Variants in CACNA2D3 observed in about 807,000 individuals in gnomAD.
CACNA2D3 encodes calcium voltage-gated channel auxiliary subunit alpha2delta 3.
CACNA2D3 carries 60 observed loss-of-function variants against 160.6 expected under a neutral mutation model. The ratio of observed to expected loss-of-function variants is 0.37; its 90% CI spans 0.30 to 0.46. CACNA2D3 has a LOEUF of 0.46. Among genes scored for constraint, CACNA2D3 ranks in the 20% least tolerant of loss-of-function variants. The probability of loss-of-function intolerance (pLI) is 1.00; values close to 1 mark genes in which losing one functional copy is unlikely to be tolerated. For missense variants in CACNA2D3, 1,205 were observed against 1,365.0 expected (o/e 0.88, Z 1.85); for synonymous variants, 558 against 492.9 (o/e 1.13, Z -1.75).
At chr3:54,593,309 G>A (rs1184412636) in intron 9 of CACNA2D3, among the ~76,000 whole-genome samples, 1 of 152,092 alleles carries the variant, frequency 6.6e-6, no homozygotes, top group African/African-American at 2.4e-5. Flanking sequence ...ATCATATATG[G>A]TTAGATAAAG....
chr3:54,458,128 G>A (rs906443724), intron 4 of CACNA2D3, among the ~76,000 whole-genome samples: 4 of 151,930 alleles, frequency 2.6e-5, no homozygotes, highest in Non-Finnish European at 5.9e-5. Flanking sequence ...TTGTTAATTG[G>A]TTTTTGATAA....
At chr3:54,812,323 AG>A (rs564357913) in intron 13 of CACNA2D3, among the ~76,000 whole-genome samples, 153 of 152,354 alleles carry the variant, frequency 1.0e-3, no homozygotes, top group African/African-American at 3.5e-3. Context: ...TACCAATTGC[AG>A]GTATGTGGTA....
At chr3:54,921,271 C>T (rs1700841567) in intron 27 of CACNA2D3, among the ~76,000 whole-genome samples, 1 of 152,086 alleles carries the variant, frequency 6.6e-6, no homozygotes, top group Non-Finnish European at 1.5e-5. Context: ...CTCCCTTGAC[C>T]ACGTTGTGCC....
intron 2 of CACNA2D3, among the ~76,000 whole-genome samples, chr3:54,240,211 G>A (rs1303602724): frequency 6.7e-6 from 1 of 149,046 alleles, no homozygotes; most frequent in Non-Finnish European, 1.5e-5. Flanking sequence ...CATATTAGGT[G>A]TATTTTTGTT....
At chr3:54,903,741 A>T (rs775187877) in intron 27 of CACNA2D3, among the ~76,000 whole-genome samples, 1 of 152,166 alleles carries the variant, frequency 6.6e-6, no homozygotes, top group Non-Finnish European at 1.5e-5. Context: ...CTTTTTAATA[A>T]TAGCCATTCT....
chr3:54,749,294 G>A (rs1015315610), intron 11 of CACNA2D3, among the ~76,000 whole-genome samples: 2 of 152,164 alleles, frequency 1.3e-5, no homozygotes, highest in African/African-American at 2.4e-5. Context: ...CCCACTACAC[G>A]AATGTACCAT....
intron 2 of CACNA2D3, among the ~76,000 whole-genome samples, chr3:54,314,580 T>A (rs1167993758): frequency 6.6e-6 from 1 of 152,132 alleles, no homozygotes; most frequent in Non-Finnish European, 1.5e-5. Context: ...TATTTTTTGA[T>A]TTTTTTGATT....
intron 17 of CACNA2D3, among the ~76,000 whole-genome samples, chr3:54,857,849 G>A (rs991976791): frequency 6.6e-6 from 1 of 152,072 alleles, no homozygotes; most frequent in African/African-American, 2.4e-5. Flanking sequence ...AGGCCCCTGA[G>A]CATGTATTCC....
chr3:54,164,856 G>A (rs79802202), intron 2 of CACNA2D3, among the ~76,000 whole-genome samples: 9,607 of 152,286 alleles, frequency 0.063, 440 homozygotes, highest in East Asian at 0.18. Context: ...CCTTGATCAA[G>A]TTAGTTTCCC....
At chr3:54,212,050 G>A (rs1253927867) in intron 2 of CACNA2D3, among the ~76,000 whole-genome samples, 1 of 152,064 alleles carries the variant, frequency 6.6e-6, no homozygotes, top group East Asian at 1.9e-4. Flanking sequence ...GGAACAGAAG[G>A]CTCAGGAAAT....
intron 4 of CACNA2D3, among the ~76,000 whole-genome samples, chr3:54,424,058 T>C (rs1312371807): frequency 6.6e-6 from 1 of 152,038 alleles, no homozygotes; most frequent in Non-Finnish European, 1.5e-5. Context: ...CATGCTAATG[T>C]TTTCCGGGTT....
intron 11 of CACNA2D3, among the ~76,000 whole-genome samples, chr3:54,736,518 T>A (rs570534564): frequency 5.3e-5 from 8 of 152,194 alleles, no homozygotes; most frequent in Non-Finnish European, 1.0e-4. Context: ...AGAAAACTTA[T>A]GCCAATTTAC....
intron 9 of CACNA2D3, among the ~76,000 whole-genome samples, chr3:54,590,291 G>A (rs1179595357): frequency 6.6e-6 from 1 of 152,100 alleles, no homozygotes; most frequent in Non-Finnish European, 1.5e-5. Context: ...AATCTTTAGG[G>A]AGTCATGCTG....
At chr3:54,275,345 A>T (rs1373526624) in intron 2 of CACNA2D3, among the ~76,000 whole-genome samples, 2 of 152,172 alleles carry the variant, frequency 1.3e-5, no homozygotes, top group Non-Finnish European at 2.9e-5. Context: ...TTATGCCATC[A>T]ACCACTTTGA....
chr3:54,319,829 C>A (rs1474675880), intron 2 of CACNA2D3, among the ~76,000 whole-genome samples: 1 of 151,894 alleles, frequency 6.6e-6, no homozygotes, highest in Non-Finnish European at 1.5e-5. Context: ...TGGAAAATAA[C>A]AATACTTTCC....
chr3:54,948,256 T>C (rs1383546900), intron 27 of CACNA2D3, among the ~76,000 whole-genome samples: 1 of 152,216 alleles, frequency 6.6e-6, no homozygotes, highest in Non-Finnish European at 1.5e-5. Context: ...CCAAGGTCCA[T>C]TCCAGGTGAC....
intron 11 of CACNA2D3, 148 bp downstream of exon 11, chr3:54,642,389 ACTG>A: frequency 2.1e-6 from 1 of 482,184 alleles, no homozygotes. Flanking sequence ...GTTGACCAAA[ACTG>A]AAGACCGGCT....
intron 2 of CACNA2D3, among the ~76,000 whole-genome samples, chr3:54,229,658 A>C (rs554528527): frequency 3.0e-4 from 46 of 151,866 alleles, no homozygotes; most frequent in Non-Finnish European, 6.0e-4. Flanking sequence ...AAGTTAAGAA[A>C]CCTTCATGGA....
chr3:54,464,911 A>G (rs749538304), intron 4 of CACNA2D3, among the ~76,000 whole-genome samples: 15 of 152,090 alleles, frequency 9.9e-5, no homozygotes, highest in South Asian at 2.1e-4. Context: ...CTATTTGGCC[A>G]TCTTCTCCTT....
Sources: gnomAD v4.1 joint callset for allele counts (sites outside exome capture counted in the v4.1 genomes callset) on GRCh38, gnomAD v4.1.1 for gene constraint, MANE v1.5 for transcripts, NCBI Gene and HGNC (gene_info 2026-07-23, HGNC 2026-07-21) for gene names.